GRM1: variants seen among roughly 807,000 people sequenced by gnomAD.
The protein encoded by GRM1 is metabotropic glutamate receptor 1.
GRM1 carries 33 observed loss-of-function variants against 90.9 expected under a neutral mutation model. The ratio of observed to expected loss-of-function variants is 0.36; its 90% CI spans 0.28 to 0.49. The LOEUF (loss-of-function observed/expected upper bound fraction) is 0.49, where lower values mean the gene tolerates loss of function less well. Ranked by LOEUF, GRM1 falls within the 20% of genes least tolerant of loss-of-function variation. The pLI, the probability that GRM1 is intolerant of heterozygous loss-of-function variation, is 0.99. For missense variants in GRM1, 1,190 were observed against 1,534.3 expected (o/e 0.78, Z 3.75); for synonymous variants, 700 against 613.2 (o/e 1.14, Z -2.09).
intron 1 of GRM1, among the ~76,000 whole-genome samples, chr6:146,157,695 G>C (rs1777569847): frequency 6.6e-6 from 1 of 152,060 alleles, no homozygotes; most frequent in Non-Finnish European, 1.5e-5. Context: ...TCCTTGAATA[G>C]ACAAAAAGTG....
At chr6:146,367,412 AT>A (rs988437023) in intron 5 of GRM1, among the ~76,000 whole-genome samples, 10 of 151,088 alleles carry the variant, frequency 6.6e-5, no homozygotes, top group Non-Finnish European at 1.5e-4. Context: ...GAATTTTAGG[AT>A]TTTTTTTTCT....
chr6:146,183,493 T>C (rs551935116), intron 2 of GRM1, among the ~76,000 whole-genome samples: 1 of 152,282 alleles, frequency 6.6e-6, no homozygotes, highest in East Asian at 1.9e-4. Context: ...AGAGGAGATA[T>C]ATTAACTGAT....
At chr6:146,048,354 C>T (rs758321152) in intron 1 of GRM1, among the ~76,000 whole-genome samples, 15 of 152,000 alleles carry the variant, frequency 9.9e-5, no homozygotes, top group Non-Finnish European at 2.2e-4. Context: ...CATGTTCTTA[C>T]TGCCATAATA....
At chr6:146,419,305 C>A (rs1283559286) in intron 7 of GRM1, among the ~76,000 whole-genome samples, 1 of 152,064 alleles carries the variant, frequency 6.6e-6, no homozygotes, top group Non-Finnish European at 1.5e-5. Flanking sequence ...ATGAAAGAGA[C>A]TGTGGCGGAA....
chr6:146,197,169 GTC>G (rs900295987), intron 2 of GRM1, among the ~76,000 whole-genome samples: 1 of 152,208 alleles, frequency 6.6e-6, no homozygotes, highest in Non-Finnish European at 1.5e-5. Flanking sequence ...AACCAGGAGA[GTC>G]TAACTGGGGA....
chr6:146,414,244 A>T (rs561372309), intron 7 of GRM1, among the ~76,000 whole-genome samples: 3 of 152,216 alleles, frequency 2.0e-5, no homozygotes, highest in African/African-American at 7.2e-5. Context: ...GTATTTAATT[A>T]TAGTTTCCAT....
chr6:146,320,778 G>T (rs1784155956), intron 3 of GRM1, among the ~76,000 whole-genome samples: 1 of 152,116 alleles, frequency 6.6e-6, no homozygotes, highest in Non-Finnish European at 1.5e-5. Flanking sequence ...TCTATTCTCT[G>T]ATAGTAGTTT....
intron 2 of GRM1, among the ~76,000 whole-genome samples, chr6:146,261,803 G>GA (rs1259600146): frequency 6.6e-6 from 1 of 151,046 alleles, no homozygotes; most frequent in Non-Finnish European, 1.5e-5. Context: ...AAAATGCAGA[G>GA]AAAAAAATCA....
chr6:146,137,215 T>G (rs193302385), intron 1 of GRM1, among the ~76,000 whole-genome samples: 1 of 152,336 alleles, frequency 6.6e-6, no homozygotes, highest in African/African-American at 2.4e-5. Context: ...CCTATTCTTG[T>G]GGAGTATACT....
chr6:146,286,202 A>G (rs1782761263), intron 2 of GRM1, among the ~76,000 whole-genome samples: 1 of 152,184 alleles, frequency 6.6e-6, no homozygotes, highest in Admixed American at 6.5e-5. Context: ...TATTTATAAA[A>G]GTCATTACTG....
chr6:146,416,518 C>T (rs1019605191), intron 7 of GRM1, among the ~76,000 whole-genome samples: 2 of 152,142 alleles, frequency 1.3e-5, no homozygotes, highest in African/African-American at 2.4e-5. Flanking sequence ...TATCTTGCAT[C>T]ACTGTTGTGC....
At chr6:146,168,343 C>T (rs1777984138) in intron 2 of GRM1, among the ~76,000 whole-genome samples, 1 of 151,958 alleles carries the variant, frequency 6.6e-6, no homozygotes, top group Non-Finnish European at 1.5e-5. Flanking sequence ...TACTGCATCA[C>T]ATATGATATA....
intron 3 of GRM1, among the ~76,000 whole-genome samples, chr6:146,332,393 C>T (rs1784614407): frequency 6.6e-6 from 1 of 152,092 alleles, no homozygotes; most frequent in African/African-American, 2.4e-5. Context: ...TCCTGAGGTC[C>T]CCATTTCTTT....
intron 1 of GRM1, among the ~76,000 whole-genome samples, chr6:146,080,657 C>T (rs905101764): frequency 2.7e-5 from 4 of 147,790 alleles, no homozygotes; most frequent in South Asian, 2.3e-4. Flanking sequence ...ATCCAAGCCT[C>T]GTTGGTGTGG....
chr6:146,109,988 G>A (rs958272143), intron 1 of GRM1, among the ~76,000 whole-genome samples: 5 of 152,180 alleles, frequency 3.3e-5, no homozygotes, highest in African/African-American at 9.7e-5. Context: ...ATTGTATCTA[G>A]GAAGTAGCTA....
chr6:146,156,686 C>A (rs755822791), intron 1 of GRM1, among the ~76,000 whole-genome samples: 1 of 152,156 alleles, frequency 6.6e-6, no homozygotes, highest in Admixed American at 6.5e-5. Flanking sequence ...ATTACTTGAA[C>A]AATAATCTTC....
chr6:146,346,050 A>G (rs1562626508), intron 3 of GRM1, among the ~76,000 whole-genome samples: 2 of 152,128 alleles, frequency 1.3e-5, no homozygotes, highest in Non-Finnish European at 2.9e-5. Context: ...CCACAATTCA[A>G]CTGTTACTGA....
At chr6:146,297,738 A>G (rs1000064872) in intron 2 of GRM1, among the ~76,000 whole-genome samples, 1 of 152,182 alleles carries the variant, frequency 6.6e-6, no homozygotes, top group African/African-American at 2.4e-5. Context: ...TTCAAATAAG[A>G]AAAATAAATC....
intron 3 of GRM1, among the ~76,000 whole-genome samples, chr6:146,330,484 C>T (rs1784550210): frequency 6.6e-6 from 1 of 152,112 alleles, no homozygotes; most frequent in South Asian, 2.1e-4. Flanking sequence ...CTATACATAA[C>T]AAACTCCTAC....
Sources: allele counts gnomAD v4.1 joint callset (sites outside exome capture counted in the v4.1 genomes callset), GRCh38; gene constraint gnomAD v4.1.1; transcripts MANE v1.5; gene names NCBI Gene and HGNC (gene_info 2026-07-23, HGNC 2026-07-21).